SEC61A2: variants seen among roughly 807,000 people sequenced by gnomAD.
The protein encoded by SEC61A2 is SEC61 translocon subunit alpha 2.
A neutral mutation model predicts 59.9 loss-of-function variants in SEC61A2; 28 were observed. The ratio of observed to expected loss-of-function variants is 0.47; its 90% CI spans 0.35 to 0.64. The LOEUF (loss-of-function observed/expected upper bound fraction) is 0.64. SEC61A2 is among the 30% of genes least tolerant of loss of function. The probability of loss-of-function intolerance (pLI) is 0.01; values close to 1 mark genes in which losing one functional copy is unlikely to be tolerated. For missense variants in SEC61A2, 340 were observed against 585.9 expected (o/e 0.58, Z 4.33); for synonymous variants, 202 against 214.4 (o/e 0.94, Z 0.50).
At position 12,153,641 on chromosome 10, in the gene SEC61A2, A is replaced by G; in HGVS notation, c.463-2137A>G. ...CATTTACATGAATTCTGATACACAA[A>G]TATGCGTGTTATGGCTAATTCTTCT... On this transcript the variant is annotated intron_variant, in intron 6 of 11. Coordinates refer to ENST00000298428, the MANE Select transcript of SEC61A2 (RefSeq NM_018144.4). This position sits in a 1 kb window ranked among gnomAD's most constrained non-coding sequence, Gnocchi z 5.2. 7.5e-7 allele frequency: 1 copy of G among 1,332,676 alleles called. No homozygotes were observed. The highest frequency in any genetic ancestry group is 1.5e-5 in the African/African-American group (1 of 68,682). 82.6% of individuals were successfully genotyped at this position (1,332,676 alleles called of 1,614,324 possible). A position where few individuals can be genotyped will look rare whatever the true frequency, so the allele number is the denominator to read the frequency against.
At chr10:12,148,876 T>C (rs1834211363) in intron 4 of SEC61A2, among the ~76,000 whole-genome samples, 1 of 152,070 alleles carries the variant, frequency 6.6e-6, no homozygotes. Flanking sequence ...TTTTTTACTA[T>C]TGAGGAAGTA....
In SEC61A2 at chr10:12,142,083, G is replaced by C. The variant is rs1834035242; in HGVS notation, c.142-1034G>C. 1.3e-5 allele frequency among the ~76,000 whole-genome samples: 2 copies of C among 152,216 alleles called. No individual in the cohort carries two copies. The highest frequency in any genetic ancestry group is 4.8e-5 in the African/African-American group (2 of 41,464). ...CAGGACAGTTGAAGGCAGCTTTCCA[G>C]AACATGCAAGAATGCTGTGTGTCAC... On this transcript the variant is annotated intron_variant, in intron 3 of 11. Coordinates refer to ENST00000298428, the MANE Select transcript of SEC61A2 (RefSeq NM_018144.4). This position sits in a 1 kb window ranked among gnomAD's most constrained non-coding sequence, Gnocchi z 5.4.
In SEC61A2 at chr10:12,162,126, G is replaced by A; in HGVS notation, c.1168-87G>A. On this transcript the variant is annotated intron_variant, in intron 10 of 11. Transcript: ENST00000298428. This position sits in a 1 kb window ranked among gnomAD's most constrained non-coding sequence, Gnocchi z 6.1. Reference sequence around the variant, plus strand: ...AGGTTATTGTATGTTACGTGTTAGTGTGTGGCGAGCACTTCGCATAGAACG... The same window carrying A: ...AGGTTATTGTATGTTACGTGTTAGTATGTGGCGAGCACTTCGCATAGAACG... 2 of 970,014 alleles carry A rather than the reference G, an allele frequency of 2.1e-6. No individual in the cohort carries two copies. The highest frequency in any genetic ancestry group is 3.6e-5 in the Admixed American group (2 of 55,210). The allele number at this position is 970,014 out of a possible 1,614,324, so 60.1% of individuals were successfully genotyped here.
In SEC61A2 at chr10:12,149,377, C is replaced by T. The variant is rs375225630; in HGVS notation, c.221-218C>T. Among the ~76,000 whole-genome samples, 3 of 152,336 alleles carry T rather than the reference C, an allele frequency of 2.0e-5. No homozygotes were observed. The East Asian group carries it at 5.8e-4, about 29-fold the overall frequency. On this transcript the variant is annotated intron_variant, in intron 4 of 11. Coordinates refer to ENST00000298428, the MANE Select transcript of SEC61A2 (RefSeq NM_018144.4). The surrounding 1 kb of genome is among the most constrained non-coding windows in gnomAD (Gnocchi z 5.2). ...GTGTGGGGACTGCAGGCGTGAGCCA[C>T]TGTGCCAAGCCTATAGTACTTTTTA...
chr10:12,134,729 A>G (rs1207050981), intron 2 of SEC61A2, among the ~76,000 whole-genome samples: 1 of 151,934 alleles, frequency 6.6e-6, no homozygotes, highest in East Asian at 1.9e-4. Flanking sequence ...CATCCTTGCC[A>G]ACATGGTGAA....
chr10:12,138,079 G>T (rs1044886525), intron 3 of SEC61A2, among the ~76,000 whole-genome samples: 2 of 151,998 alleles, frequency 1.3e-5, no homozygotes, highest in Non-Finnish European at 2.9e-5. Context: ...TGGGGAGTTC[G>T]AAAATCTATT....
rs531245228 is a variant in SEC61A2, at chr10:12,129,703, G to A, written c.-85G>A. ...CGGGGCCGGTAGGATCGCGTCGGGA[G>A]CCGGTACCGAGGCCCGAGCCGCGGG... On this transcript the variant is annotated 5_prime_UTR_variant, in exon 1 of 12. Coordinates refer to ENST00000298428, the MANE Select transcript of SEC61A2 (RefSeq NM_018144.4). This position sits in a 1 kb window ranked among gnomAD's most constrained non-coding sequence, Gnocchi z 5.6. 3.6e-3 allele frequency: 4,746 copies of A among 1,326,848 alleles called. 18 individuals are homozygous for A. The highest frequency in any genetic ancestry group is 4.2e-3 in the Non-Finnish European group (4,109 of 983,518). 82.2% of individuals were successfully genotyped at this position (1,326,848 alleles called of 1,614,324 possible).
At position 12,156,838 on chromosome 10, in the gene SEC61A2, T is replaced by G; in HGVS notation, c.617-69T>G. ...TCTGCTGTATACTGGACTTTCACGG[T>G]TAGTTGTTTGAGCTTTGGGACAGCT... On this transcript the variant is annotated intron_variant, in intron 7 of 11. Coordinates refer to ENST00000298428, the MANE Select transcript of SEC61A2 (RefSeq NM_018144.4). The surrounding 1 kb of genome is among the most constrained non-coding windows in gnomAD (Gnocchi z 5.2). The G allele has an allele frequency of 3.3e-6, 5 of 1,513,772 alleles. No homozygotes were observed. In the South Asian group the frequency reaches 3.6e-5, roughly 11 times the overall value. The allele number at this position is 1,513,772 out of a possible 1,614,324, so 93.8% of individuals were successfully genotyped here.
rs565623017 is a variant in SEC61A2 at position 12,155,277 on chromosome 10, CAT to C, written c.463-493_463-492del. On this transcript the variant is annotated intron_variant, in intron 6 of 11. Transcript: ENST00000298428. The surrounding 1 kb of genome is among the most constrained non-coding windows in gnomAD (Gnocchi z 4.3). ...TTCTGTACACATTTTATAGAGTATA[CAT>C]ATATATAATATATATAATGCTTTTT... 1 of 1,369,772 alleles carries C rather than the reference CAT, an allele frequency of 7.3e-7. No individual in the cohort carries two copies. Among genetic ancestry groups the C allele is most frequent in the Admixed American group, 2.5e-5 (1 of 39,716 alleles). 84.9% of individuals were successfully genotyped at this position (1,369,772 alleles called of 1,614,324 possible).
At chr10:12,129,670 A>G (rs1833678429), upstream of SEC61A2, 11 of 1,021,864 alleles carry the variant, frequency 1.1e-5, no homozygotes, top group Admixed American at 1.8e-4. This position sits in a 1 kb window ranked among gnomAD's most constrained non-coding sequence, Gnocchi z 5.6. Context: ...GGTTGGGCGG[A>G]GCCTGCGCGG....
chr10:12,169,750 AAAC>A, downstream of SEC61A2: 1 of 231,746 alleles, frequency 4.3e-6, no homozygotes, highest in Non-Finnish European at 8.3e-6. The surrounding 1 kb of genome is among the most constrained non-coding windows in gnomAD (Gnocchi z 4.8). Flanking sequence ...ATTTTCAAAC[AAAC>A]AACAGACAAT....
Position 12,149,252 on chromosome 10 carries a change from GC to G in SEC61A2, c.221-342del, listed in dbSNP as rs1834222067. Among the ~76,000 whole-genome samples, 1 of 151,988 alleles carries G rather than the reference GC, an allele frequency of 6.6e-6. No homozygotes were observed. The highest frequency in any genetic ancestry group is 2.4e-5 in the African/African-American group (1 of 41,378). On this transcript the variant is annotated intron_variant, in intron 4 of 11. Transcript: ENST00000298428. This position sits in a 1 kb window ranked among gnomAD's most constrained non-coding sequence, Gnocchi z 5.2. ...TTACAGGTGCCCGCCACCACACCTG[GC>G]TAATTTTTGCATTTTTAGTAGAGAC...
intron 4 of SEC61A2, among the ~76,000 whole-genome samples, chr10:12,146,806 C>A (rs1834150535): frequency 6.6e-6 from 1 of 152,194 alleles, no homozygotes; most frequent in Admixed American, 6.5e-5. Flanking sequence ...GTGTGAGCCA[C>A]CGCGCCCAGC....
chr10:12,146,443 C>T (rs1404998980), intron 4 of SEC61A2, among the ~76,000 whole-genome samples: 2 of 152,208 alleles, frequency 1.3e-5, no homozygotes, highest in African/African-American at 2.4e-5. Flanking sequence ...GCTGCATTTT[C>T]CTGAGAAAGC....
At chr10:12,169,873 A>T (rs1046466178), downstream of SEC61A2, 1 of 418,898 alleles carries the variant, frequency 2.4e-6, no homozygotes, top group Non-Finnish European at 4.2e-6. The surrounding 1 kb of genome is among the most constrained non-coding windows in gnomAD (Gnocchi z 4.8). Context: ...TTCAAATCAC[A>T]TTTGAAGTAA....
chr10:12,135,844 ATCT>A (rs1833870011), intron 2 of SEC61A2, among the ~76,000 whole-genome samples: 2 of 152,094 alleles, frequency 1.3e-5, no homozygotes, highest in Admixed American at 1.3e-4. Flanking sequence ...TATACAGCAT[ATCT>A]TCTTTATCCA....
In SEC61A2 at chr10:12,129,873, T is replaced by C; in HGVS notation, c.7+79T>C. The C allele has an allele frequency of 1.6e-6, 2 of 1,238,450 alleles. No individual in the cohort carries two copies. The highest frequency in any genetic ancestry group is 2.1e-6 in the Non-Finnish European group (2 of 964,272). 76.7% of individuals were successfully genotyped at this position (1,238,450 alleles called of 1,614,324 possible). Reference sequence around the variant, plus strand: ...GGGCTGCGGGCGGTGGGGCTGGCGCTCGCTCGGAGTCGTGGGGGCCAGGGA... The same window carrying C: ...GGGCTGCGGGCGGTGGGGCTGGCGCCCGCTCGGAGTCGTGGGGGCCAGGGA... On this transcript the variant is annotated intron_variant, in intron 1 of 11. Coordinates refer to ENST00000298428, the MANE Select transcript of SEC61A2 (RefSeq NM_018144.4). The surrounding 1 kb of genome is among the most constrained non-coding windows in gnomAD (Gnocchi z 5.6).
intron 4 of SEC61A2, among the ~76,000 whole-genome samples, chr10:12,146,321 G>T (rs1168953680): frequency 6.6e-6 from 1 of 151,820 alleles, no homozygotes; most frequent in African/African-American, 2.4e-5. Context: ...CCTGGCCCCA[G>T]ATTATTTGTT....
chr10:12,155,837 C>T lies in SEC61A2; in HGVS notation c.522C>T (p.Gly174=). Residue 174 remains glycine (G), a synonymous_variant, in exon 7 of 12, where the codon GGC becomes GGT. Transcript: ENST00000298428. This position sits in a 1 kb window ranked among gnomAD's most constrained non-coding sequence, Gnocchi z 4.3. ...ATGAGCTGCTACAGAAGGGTTACGG[C>T]TTGGGGTCTGGGATTTCCCTCTTTA... ...LLDELLQKGY[G]LGSGISLFIA... is the part of the protein sequence containing the mutation. The T allele has an allele frequency of 6.2e-7, 1 of 1,614,200 alleles. No homozygotes were observed. The highest frequency in any genetic ancestry group is 8.5e-7 in the Non-Finnish European group (1 of 1,180,028).
Sources: gnomAD v4.1 joint callset for allele counts (sites outside exome capture counted in the v4.1 genomes callset) on GRCh38, gnomAD v4.1.1 for gene constraint, Gnocchi (gnomAD v3.1) non-coding constraint, MANE v1.5 for transcripts, NCBI Gene and HGNC (gene_info 2026-07-23, HGNC 2026-07-21) for gene names.